MYO9A: variants seen among roughly 807,000 people sequenced by gnomAD.
The protein encoded by MYO9A is unconventional myosin-IXa.
Under a neutral mutation model 293.3 loss-of-function variants are expected in MYO9A, and 103 were observed. The observed-to-expected ratio is 0.35, with a 90% CI of 0.30 to 0.41. The LOEUF is 0.41. Among genes scored for constraint, MYO9A ranks in the 10% least tolerant of loss-of-function variants. MYO9A has a pLI of 1.00. For missense variants in MYO9A, 2,685 were observed against 3,033.0 expected, an observed-to-expected ratio of 0.89 and a Z score of 2.69; for synonymous variants, 1,001 against 1,035.7, an observed-to-expected ratio of 0.97 and a Z score of 0.64.
rs568265923 is a variant in MYO9A, at chr15:71,865,800, T to C, written c.5980-3189A>G. ...ACTTTACGTAGTTAAAATGGCTAAATAGTTAAATTTTGTTATATGAATTTT... is the reference window on the plus strand; with the variant it reads ...ACTTTACGTAGTTAAAATGGCTAAACAGTTAAATTTTGTTATATGAATTTT... On this transcript the variant is annotated intron_variant, in intron 32 of 41. Coordinates refer to ENST00000356056, the MANE Select transcript of MYO9A (RefSeq NM_006901.4). Among the ~76,000 whole-genome samples the C allele has an allele frequency of 8.5e-4, 130 of 152,338 alleles. 1 individual carries two copies. The highest frequency in any genetic ancestry group is 3.0e-3 in the African/African-American group (123 of 41,580).
chr15:71,841,692 G>A (rs1366994915), intron 39 of MYO9A, among the ~76,000 whole-genome samples: 1 of 151,738 alleles, frequency 6.6e-6, no homozygotes, highest in Non-Finnish European at 1.5e-5. Flanking sequence ...CACCCAGGCT[G>A]GAGTGCAGTC....
At chr15:72,011,239 C>T (rs1235769486) in intron 6 of MYO9A, among the ~76,000 whole-genome samples, 1 of 151,830 alleles carries the variant, frequency 6.6e-6, no homozygotes, top group Non-Finnish European at 1.5e-5. Context: ...CCTGAACTCC[C>T]GGACTCAAGC....
At chr15:71,850,796 A>G (rs1403713471) in intron 37 of MYO9A, among the ~76,000 whole-genome samples, 1 of 145,312 alleles carries the variant, frequency 6.9e-6, no homozygotes, top group Non-Finnish European at 1.5e-5. Context: ...AAAAAAAAAA[A>G]AAAAAGAATG....
At chr15:71,834,852 C>T (rs2054876275) in intron 39 of MYO9A, among the ~76,000 whole-genome samples, 1 of 152,006 alleles carries the variant, frequency 6.6e-6, no homozygotes, top group South Asian at 2.1e-4. Flanking sequence ...AAACAATATC[C>T]TAACTACAAC....
In MYO9A at chr15:71,879,842, G is replaced by A. The variant is rs1299727507; in HGVS notation, c.5623-5C>T. 1 of 1,585,556 alleles carries A rather than the reference G, an allele frequency of 6.3e-7. No homozygotes were observed. The highest frequency in any genetic ancestry group is 2.2e-5 in the East Asian group (1 of 44,644). ...TTCATTATCTAGGTCATTCACCTGG[G>A]AACCACAAAACGAGTTTTAGTACAC... On this transcript the variant is annotated splice_region_variant and splice_polypyrimidine_tract_variant and intron_variant, in intron 29 of 41. Coordinates refer to ENST00000356056, the MANE Select transcript of MYO9A (RefSeq NM_006901.4).
intron 19 of MYO9A, among the ~76,000 whole-genome samples, chr15:71,906,758 C>CTTTCTTTCTTTTTTTTTTTTTTTTTTT (rs765264146): frequency 2.1e-4 from 13 of 61,030 alleles, no homozygotes; most frequent in African/African-American, 8.3e-4. Flanking sequence ...CCATTTCTTT[C>CTTTCTTTCTTTTTTTTTTTTTTTTTTT]TTTTTTTTTT....
intron 8 of MYO9A, among the ~76,000 whole-genome samples, chr15:72,003,038 G>C (rs1199839893): frequency 6.6e-6 from 1 of 152,122 alleles, no homozygotes; most frequent in Non-Finnish European, 1.5e-5. Flanking sequence ...GGGAGACCGA[G>C]GCGGGAGGAT....
rs2054321206 is a variant in MYO9A, at chr15:71,822,661, C to G, written c.*3919G>C. The stretch of plus-strand genomic sequence containing the variant: ...TCCATTAAAATAATATAATACGAAT[C>G]TGTAGTCCACACCTTTCCCATAGTA... On this transcript the variant is annotated 3_prime_UTR_variant, in exon 42 of 42. Transcript: ENST00000356056. 1 of 152,108 alleles carries G rather than the reference C, an allele frequency of 6.6e-6. No individual in the cohort carries two copies. The highest frequency in any genetic ancestry group is 1.5e-5 in the Non-Finnish European group (1 of 68,020). The allele number at this position is 152,108 out of a possible 1,614,324, so 9.4% of individuals were successfully genotyped here.
At chr15:72,031,422 G>C (rs918624485) in intron 3 of MYO9A, among the ~76,000 whole-genome samples, 1 of 152,082 alleles carries the variant, frequency 6.6e-6, no homozygotes, top group South Asian at 2.1e-4. Flanking sequence ...GGAGGAAGAG[G>C]CTGTAGTGAG....
chr15:72,102,624 C>CA (rs1016793713), intron 1 of MYO9A, among the ~76,000 whole-genome samples: 6 of 151,740 alleles, frequency 4.0e-5, no homozygotes, highest in South Asian at 2.1e-4. Context: ...AACCACATCT[C>CA]AAAAAAATCC....
chr15:71,964,406 G>A (rs2075819226), intron 13 of MYO9A, among the ~76,000 whole-genome samples: 1 of 152,018 alleles, frequency 6.6e-6, no homozygotes, highest in African/African-American at 2.4e-5. Flanking sequence ...CAGCACTCTG[G>A]GAGACTGAGG....
intron 1 of MYO9A, among the ~76,000 whole-genome samples, chr15:72,068,789 C>A (rs1231952602): frequency 6.6e-6 from 1 of 152,080 alleles, no homozygotes; most frequent in Non-Finnish European, 1.5e-5. Flanking sequence ...ATCCCAATTT[C>A]TTTACCAATA....
intron 1 of MYO9A, among the ~76,000 whole-genome samples, chr15:72,107,612 A>T (rs2080617697): frequency 6.6e-6 from 1 of 151,982 alleles, no homozygotes; most frequent in African/African-American, 2.4e-5. Flanking sequence ...CCTCCACTGT[A>T]AGAAGACAAA....
At chr15:72,023,921 A>G (rs1418067199) in intron 4 of MYO9A, among the ~76,000 whole-genome samples, 3 of 152,302 alleles carry the variant, frequency 2.0e-5, no homozygotes, top group African/African-American at 4.8e-5. Flanking sequence ...AGGCAAAGAC[A>G]AAGAATTTTG....
At chr15:72,000,176 C>G (rs896820240) in intron 8 of MYO9A, among the ~76,000 whole-genome samples, 5 of 152,120 alleles carry the variant, frequency 3.3e-5, no homozygotes, top group Non-Finnish European at 7.4e-5. Flanking sequence ...AACAGAGAAA[C>G]ATGTTTCATT....
At position 71,930,500 on chromosome 15, in the gene MYO9A, TATAAGG is replaced by T. The variant is rs199699880; in HGVS notation, c.2562+3164_2562+3169del. ...CAGTTTTTGACTTTATTTTGTCTGT[TATAAGG>T]ATAACTACTGTTGCTCTCTTTAGGT... is the stretch of plus-strand genomic sequence containing the variant. On this transcript the variant is annotated intron_variant, in intron 18 of 41. Coordinates refer to ENST00000356056, the MANE Select transcript of MYO9A (RefSeq NM_006901.4). Among the ~76,000 whole-genome samples, 1,361 of 152,302 alleles carry T rather than the reference TATAAGG, an allele frequency of 8.9e-3. 17 individuals carry two copies. The highest frequency in any genetic ancestry group is 0.011 in the Admixed American group (164 of 15,290).
At chr15:71,854,982 T>G (rs2055806993) in intron 34 of MYO9A, among the ~76,000 whole-genome samples, 1 of 152,222 alleles carries the variant, frequency 6.6e-6, no homozygotes, top group South Asian at 2.1e-4. Flanking sequence ...TAAGAATGCT[T>G]TGATGTTTAT....
intron 1 of MYO9A, among the ~76,000 whole-genome samples, chr15:72,109,063 G>A (rs980312798): frequency 7.2e-5 from 11 of 152,010 alleles, no homozygotes; most frequent in Admixed American, 2.6e-4. Flanking sequence ...GCACCCAGCC[G>A]CAACTTACTT....
chr15:72,061,277 G>A (rs901419346), intron 1 of MYO9A, among the ~76,000 whole-genome samples: 5 of 152,292 alleles, frequency 3.3e-5, no homozygotes, highest in East Asian at 1.9e-4. Flanking sequence ...GGTGGCCACC[G>A]TGAGAGACTC....
Sources: allele counts gnomAD v4.1 joint callset (sites outside exome capture counted in the v4.1 genomes callset), GRCh38; gene constraint gnomAD v4.1.1; transcripts MANE v1.5; gene names NCBI Gene and HGNC (gene_info 2026-07-23, HGNC 2026-07-21).